The following DOCK8 variants were observed in gnomAD, a reference collection of about 807,000 sequenced individuals.
DOCK8 encodes the protein dedicator of cytokinesis protein 8.
In DOCK8, 141 loss-of-function variants were observed where a neutral mutation model predicts 245.6. The ratio of observed to expected loss-of-function variants is 0.57; its 90% CI spans 0.50 to 0.66. The LOEUF (loss-of-function observed/expected upper bound fraction) is 0.66. Among genes scored for constraint, DOCK8 ranks in the 30% least tolerant of loss-of-function variants. The pLI is 0.00. For missense variants in DOCK8, 2,965 were observed against 2,603.4 expected (o/e 1.14, Z -3.02); for synonymous variants, 1,168 against 970.2 (o/e 1.20, Z -3.79).
chr9:412,428 G>C (rs1312568639), intron 28 of DOCK8, among the ~76,000 whole-genome samples: 1 of 144,708 alleles, frequency 6.9e-6, no homozygotes. Context: ...AAAAGAAAAA[G>C]AAGAAAAGAA....
intron 28 of DOCK8, among the ~76,000 whole-genome samples, chr9:408,008 C>T (rs2055521683): frequency 6.6e-6 from 1 of 152,182 alleles, no homozygotes; most frequent in Non-Finnish European, 1.5e-5. Context: ...AAGCCATGGT[C>T]TTCCCAGTCC....
At position 289,537 on chromosome 9, in the gene DOCK8, CTG is replaced by C; in HGVS notation, c.364_365del (p.Val122SerfsTer6). The C allele has an allele frequency of 1.2e-6, 2 of 1,613,598 alleles. No homozygotes were observed. Among genetic ancestry groups the C allele is most frequent in the East Asian group, 2.2e-5 (1 of 44,860 alleles). On this transcript the variant is annotated frameshift_variant, in exon 4 of 48. Transcript: ENST00000432829. LOFTEE classifies it high-confidence loss of function. ...TTGAACTGGACCCTCATGTCAGGGA[CTG>C]TGTTCAGACCTACATCCGTGAGTGG... ...GVELDPHVRD[C>X]VQTYIREWLI...
At chr9:238,846 C>A (rs1473773316) in intron 1 of DOCK8, among the ~76,000 whole-genome samples, 1 of 152,150 alleles carries the variant, frequency 6.6e-6, no homozygotes, top group Non-Finnish European at 1.5e-5. Flanking sequence ...CTGAGTTATT[C>A]CAGTTCGGGG....
intron 3 of DOCK8, among the ~76,000 whole-genome samples, chr9:287,623 C>G (rs959269363): frequency 6.6e-6 from 1 of 152,166 alleles, no homozygotes; most frequent in Non-Finnish European, 1.5e-5. Context: ...CTTGTTCAGA[C>G]AGTCCTCACT....
chr9:233,166 T>C (rs969997937), intron 1 of DOCK8, among the ~76,000 whole-genome samples: 5 of 152,204 alleles, frequency 3.3e-5, no homozygotes, highest in African/African-American at 1.2e-4. Flanking sequence ...CCAGTAGTCA[T>C]TCAGGAGCAG....
chr9:262,675 G>A (rs1269805097), intron 1 of DOCK8, among the ~76,000 whole-genome samples: 1 of 151,794 alleles, frequency 6.6e-6, no homozygotes, highest in African/African-American at 2.4e-5. Context: ...AGGAGACGGA[G>A]GGTAAAAATT....
At chr9:270,505 A>T (rs1384040573) in intron 1 of DOCK8, among the ~76,000 whole-genome samples, 1 of 152,210 alleles carries the variant, frequency 6.6e-6, no homozygotes, top group African/African-American at 2.4e-5. Flanking sequence ...ACAAGAGCCC[A>T]GTTTCCTGCC....
At chr9:215,073 A>G in intron 1 of DOCK8, 44 bp downstream of exon 1, 6 of 1,542,058 alleles carry the variant, frequency 3.9e-6, no homozygotes, top group Non-Finnish European at 4.3e-6. Flanking sequence ...CGGACAGCCC[A>G]GCGCTGGTGT....
chr9:252,135 G>A lies in DOCK8; in HGVS notation c.54-19492G>A, dbSNP rs534264575. Among the ~76,000 whole-genome samples, 28 of 151,900 alleles carry A rather than the reference G, an allele frequency of 1.8e-4. No homozygotes were observed. The South Asian group carries it at 5.6e-3, about 30-fold the overall frequency. On this transcript the variant is annotated intron_variant, in intron 1 of 47. Coordinates refer to ENST00000432829, the MANE Select transcript of DOCK8 (RefSeq NM_203447.4). ...GCTACAGGCATATGCCACCATGCCC[G>A]GCTAATTTTTGTACTTTTAACATAG...
intron 46 of DOCK8, among the ~76,000 whole-genome samples, chr9:457,307 C>G (rs1336610166): frequency 2.6e-5 from 4 of 152,166 alleles, no homozygotes; most frequent in African/African-American, 7.2e-5. Flanking sequence ...GTTACCTACC[C>G]TCGGTTTCCC....
upstream of DOCK8, among the ~76,000 whole-genome samples, chr9:212,051 G>T (rs554409489): frequency 6.6e-6 from 1 of 152,322 alleles, no homozygotes; most frequent in Non-Finnish European, 1.5e-5. Context: ...GCCCTTACTA[G>T]TTTGTAATCT....
rs2130914065 is a variant in DOCK8, at chr9:339,089, G to A, written c.1506G>A (p.Lys502=). 6.2e-7 allele frequency: 1 copy of A among 1,614,012 alleles called. No individual in the cohort carries two copies. The highest frequency in any genetic ancestry group is 8.5e-7 in the Non-Finnish European group (1 of 1,179,954). Residue 502 remains lysine (K), a synonymous_variant, in exon 13 of 48, where the codon AAG becomes AAA. Coordinates refer to ENST00000432829, the MANE Select transcript of DOCK8 (RefSeq NM_203447.4). ...CATCATCCTTACAGAGACGAGTCAA[G>A]TCAATTCCAGGTGTGAATGACTTAT... The part of the protein sequence containing the change: ...KRSSSLQRRV[K]SIPGLLRLEI...
intron 2 of DOCK8, among the ~76,000 whole-genome samples, chr9:280,469 G>T (rs958870619): frequency 6.6e-6 from 1 of 152,204 alleles, no homozygotes; most frequent in African/African-American, 2.4e-5. Flanking sequence ...CTGCTGGTGT[G>T]TGGCTAAGCG....
chr9:330,341 C>G (rs2050953967), intron 9 of DOCK8, among the ~76,000 whole-genome samples: 2 of 152,114 alleles, frequency 1.3e-5, no homozygotes, highest in African/African-American at 4.8e-5. Flanking sequence ...TGGGCCTATC[C>G]TTATGTAAGG....
At chr9:242,806 G>A (rs967383338) in intron 1 of DOCK8, among the ~76,000 whole-genome samples, 1 of 150,436 alleles carries the variant, frequency 6.6e-6, no homozygotes, top group Admixed American at 6.6e-5. Context: ...AATCTGTTGA[G>A]CTTGTTTTTT....
chr9:344,304 A>T (rs979523123), intron 14 of DOCK8, among the ~76,000 whole-genome samples: 11 of 152,172 alleles, frequency 7.2e-5, no homozygotes, highest in African/African-American at 2.7e-4. Flanking sequence ...TTGGTTTGGA[A>T]TCTTACTTCA....
At chr9:449,987 G>A (rs1303942991) in intron 45 of DOCK8, 60 bp downstream of exon 45, 18 of 1,579,212 alleles carry the variant, frequency 1.1e-5, no homozygotes, top group Middle Eastern at 2.0e-4. Context: ...GTCATTATAC[G>A]TCTGCACCCT....
intron 26 of DOCK8, among the ~76,000 whole-genome samples, chr9:402,232 A>G (rs2055147222): frequency 6.6e-6 from 1 of 151,888 alleles, no homozygotes; most frequent in African/African-American, 2.4e-5. Flanking sequence ...CTTGCTCACT[A>G]TCTTTCTCCT....
At chr9:294,589 C>A (rs2130436807) in intron 4 of DOCK8, among the ~76,000 whole-genome samples, 1 of 152,342 alleles carries the variant, frequency 6.6e-6, no homozygotes, top group East Asian at 1.9e-4. Context: ...ATGCACTTAA[C>A]CATACAACCG....
Sources: allele counts gnomAD v4.1 joint callset (sites outside exome capture counted in the v4.1 genomes callset), GRCh38; gene constraint gnomAD v4.1.1; transcripts MANE v1.5; gene names NCBI Gene and HGNC (gene_info 2026-07-23, HGNC 2026-07-21).